MYRFL: variants seen among roughly 807,000 people sequenced by gnomAD.
MYRFL encodes the protein myelin regulatory factor-like protein.
A neutral mutation model predicts 109.4 loss-of-function variants in MYRFL; 88 were observed. The observed-to-expected ratio is 0.80, with a 90% CI of 0.68 to 0.96. The LOEUF (loss-of-function observed/expected upper bound fraction) is 0.96, where lower values mean the gene tolerates loss of function less well. MYRFL is among the 40% of genes least tolerant of loss of function. MYRFL has a pLI of 0.00. For synonymous variants in MYRFL, 324 were observed against 320.9 expected, an observed-to-expected ratio of 1.01 and a Z score of -0.10; for missense variants, 957 against 954.9, an observed-to-expected ratio of 1.00 and a Z score of -0.03.
chr12:69,930,549 T>G (rs529447313), intron 15 of MYRFL, among the ~76,000 whole-genome samples: 1 of 152,224 alleles, frequency 6.6e-6, no homozygotes, highest in Non-Finnish European at 1.5e-5. Flanking sequence ...CTGGGCATGG[T>G]GGCTCATGCT....
At chr12:69,938,394 C>T (rs118013097) in intron 19 of MYRFL, among the ~76,000 whole-genome samples, 8,402 of 152,234 alleles carry the variant, frequency 0.055, 294 homozygotes, top group Middle Eastern at 0.14. Flanking sequence ...GACTGGTCCA[C>T]TCTTCATTTT....
chr12:69,872,650 G>A (rs915888684), intron 2 of MYRFL, among the ~76,000 whole-genome samples: 4 of 151,846 alleles, frequency 2.6e-5, no homozygotes, highest in Admixed American at 6.6e-5. Context: ...ACAGGTGTGC[G>A]CCACTGTGCC....
intron 5 of MYRFL, among the ~76,000 whole-genome samples, chr12:69,882,859 T>G (rs1276246105): frequency 6.6e-6 from 1 of 152,120 alleles, no homozygotes; most frequent in East Asian, 1.9e-4. Flanking sequence ...CAGTAAGAGG[T>G]GCACTGGCTG....
intron 19 of MYRFL, among the ~76,000 whole-genome samples, chr12:69,939,144 T>A (rs1460474698): frequency 2.0e-5 from 3 of 152,168 alleles, no homozygotes; most frequent in Non-Finnish European, 4.4e-5. Context: ...CAGGCTTGCT[T>A]AGGTAAACAA....
chr12:69,875,926 T>A (rs1007613443), intron 2 of MYRFL, among the ~76,000 whole-genome samples: 2 of 152,198 alleles, frequency 1.3e-5, no homozygotes, highest in African/African-American at 4.8e-5. Flanking sequence ...TATACTTTTG[T>A]TTTAGTAGTC....
intron 19 of MYRFL, among the ~76,000 whole-genome samples, chr12:69,938,903 C>T (rs1955551016): frequency 6.6e-6 from 1 of 152,152 alleles, no homozygotes; most frequent in Admixed American, 6.5e-5. Flanking sequence ...TCAGGGAGTT[C>T]CCTTTCCTAA....
At chr12:69,933,187 A>T (rs1386965752) in intron 16 of MYRFL, among the ~76,000 whole-genome samples, 1 of 152,170 alleles carries the variant, frequency 6.6e-6, no homozygotes, top group Non-Finnish European at 1.5e-5. Flanking sequence ...GCAACTTTTG[A>T]CACCATCCCG....
chr12:69,880,460 G>A (rs1412018281), intron 5 of MYRFL, among the ~76,000 whole-genome samples, 168 bp downstream of exon 5: 1 of 152,160 alleles, frequency 6.6e-6, no homozygotes. Flanking sequence ...TTTCATGCAG[G>A]CGGGGTCACA....
At chr12:69,901,183 A>C (rs553912584) in intron 10 of MYRFL, among the ~76,000 whole-genome samples, 1 of 152,354 alleles carries the variant, frequency 6.6e-6, no homozygotes, top group South Asian at 2.1e-4. Context: ...TGACACAAAC[A>C]ATAAAAATAT....
chr12:69,874,991 GATAT>G (rs1885574387), intron 2 of MYRFL, among the ~76,000 whole-genome samples: 4 of 149,176 alleles, frequency 2.7e-5, no homozygotes, highest in Admixed American at 6.7e-5. Flanking sequence ...ATATATCTAA[GATAT>G]ATACATTTAT....
In MYRFL at chr12:69,951,184, A is replaced by G. The variant is rs139061623; in HGVS notation, c.2225-929A>G. Among the ~76,000 whole-genome samples the G allele has an allele frequency of 1.8e-3, 270 of 152,278 alleles. 2 individuals are homozygous for G. Among genetic ancestry groups the G allele is most frequent in the African/African-American group, 6.2e-3 (258 of 41,556 alleles). ...GTGAGCTGCAGACCTAGTTGGGGATAGTTTCTTAGTCCACTTTGCCGTCGT... is the reference window on the plus strand; with the variant it reads ...GTGAGCTGCAGACCTAGTTGGGGATGGTTTCTTAGTCCACTTTGCCGTCGT... On this transcript the variant is annotated intron_variant, in intron 19 of 24. Transcript: ENST00000552032.
chr12:69,871,467 C>T (rs1171332409), intron 2 of MYRFL, among the ~76,000 whole-genome samples: 17 of 152,168 alleles, frequency 1.1e-4, no homozygotes, highest in African/African-American at 2.2e-4. Context: ...TTCTTGACCT[C>T]GTGATCCACC....
At chr12:69,840,287 G>A (rs578083119) in intron 1 of MYRFL, among the ~76,000 whole-genome samples, 7 of 152,146 alleles carry the variant, frequency 4.6e-5, no homozygotes, top group South Asian at 2.1e-4. Context: ...AGAAGGATGC[G>A]AGCAGGTAAT....
At chr12:69,866,750 T>C (rs375330184) in intron 2 of MYRFL, among the ~76,000 whole-genome samples, 1 of 152,308 alleles carries the variant, frequency 6.6e-6, no homozygotes, top group East Asian at 1.9e-4. Flanking sequence ...ATCTTAAATA[T>C]ATTAAAACAT....
At position 69,825,483 on chromosome 12, in the gene MYRFL, G is replaced by A. The variant is rs545382874; in HGVS notation, c.-35G>A. The A allele has an allele frequency of 1.4e-6, 1 of 700,028 alleles. No homozygotes were observed. Among genetic ancestry groups the A allele is most frequent in the Non-Finnish European group, 2.6e-6 (1 of 383,676 alleles). 43.4% of individuals were successfully genotyped at this position (700,028 alleles called of 1,614,324 possible). A position where few individuals can be genotyped will look rare whatever the true frequency, so the allele number is the denominator to read the frequency against. On this transcript the variant is annotated 5_prime_UTR_variant, in exon 1 of 25. Transcript: ENST00000552032. ...TATTTCCTGAGGTCTGATAACCGTTGTTTTATGAGGAAATAGTACTAGGAT... is the reference window on the plus strand; with the variant it reads ...TATTTCCTGAGGTCTGATAACCGTTATTTTATGAGGAAATAGTACTAGGAT...
Position 69,932,862 on chromosome 12 carries a change from C to CGTGTGTGTGTGTGT in MYRFL, c.1916+271_1916+284dup, listed in dbSNP as rs3970822. Among the ~76,000 whole-genome samples the CGTGTGTGTGTGTGT allele has an allele frequency of 9.1e-3, 1,367 of 149,408 alleles. 9 individuals carry two copies. The highest frequency in any genetic ancestry group is 0.024 in the Middle Eastern group (7 of 294). On this transcript the variant is annotated intron_variant, in intron 16 of 24. Coordinates refer to ENST00000552032, the MANE Select transcript of MYRFL (RefSeq NM_182530.3). ...ATGTTTAGCAGCAAACTGTGCCTTT[C>CGTGTGTGTGTGTGT]GTGTGTGTGTGTGTGTGTGTTTGTG...
Position 69,955,367 on chromosome 12 carries a change from G to T in MYRFL, c.2380G>T (p.Gly794Ter). The T allele has an allele frequency of 1.6e-6, 1 of 634,272 alleles. No homozygotes were observed. The highest frequency in any genetic ancestry group is 1.9e-5 in the South Asian group (1 of 53,572). 39.3% of individuals were successfully genotyped at this position (634,272 alleles called of 1,614,324 possible). ...YCIQSLQCGS[G>*]NYNYNIPVNK... The stretch of plus-strand genomic sequence containing the variant: ...TTATTTTCTTTCCATAATTAGATCT[G>T]GAAATTATAATTACAATATTCCTGT... The change falls in exon 22 of 25, where the codon GGA becomes TGA. Residue 794 changes from glycine (G) to a stop codon, truncating the protein, a stop_gained. Transcript: ENST00000552032. LOFTEE classifies it high-confidence loss of function.
intron 1 of MYRFL, among the ~76,000 whole-genome samples, chr12:69,841,042 T>A (rs150410615): frequency 4.6e-5 from 7 of 152,316 alleles, no homozygotes; most frequent in African/African-American, 1.2e-4. Flanking sequence ...TCACGTTACT[T>A]CCGTTTGAAA....
intron 7 of MYRFL, 130 bp downstream of exon 7, chr12:69,891,296 C>T: frequency 1.5e-6 from 1 of 663,712 alleles, no homozygotes; most frequent in Non-Finnish European, 2.3e-6. Context: ...CACAAATCTG[C>T]AACTGGGTCA....
Sources: gnomAD v4.1 joint callset for allele counts (sites outside exome capture counted in the v4.1 genomes callset) on GRCh38, gnomAD v4.1.1 for gene constraint, MANE v1.5 for transcripts, NCBI Gene and HGNC (gene_info 2026-07-23, HGNC 2026-07-21) for gene names.